TGFBR3: variants seen among roughly 807,000 people sequenced by gnomAD.
The protein encoded by TGFBR3 is transforming growth factor beta receptor 3.
Under a neutral mutation model 87.9 loss-of-function variants are expected in TGFBR3, and 46 were observed. The ratio of observed to expected loss-of-function variants is 0.52; its 90% CI spans 0.41 to 0.67. TGFBR3 has a LOEUF of 0.67. Among genes scored for constraint, TGFBR3 ranks in the 30% least tolerant of loss-of-function variants. TGFBR3 has a pLI of 0.00. For missense variants in TGFBR3, 866 were observed against 1,041.9 expected (o/e 0.83, Z 2.32); for synonymous variants, 381 against 391.6 (o/e 0.97, Z 0.32).
In TGFBR3 at chr1:91,695,667, C is replaced by G; in HGVS notation, c.2437+5G>C. ...CACCAACTCTTACTCAACAGTCACA[C>G]TAACCTGTGTGAGAATAGATGTACC... is the stretch of plus-strand genomic sequence containing the variant. On this transcript the variant is annotated splice_donor_5th_base_variant and intron_variant, in intron 16 of 16. Coordinates refer to ENST00000212355, the MANE Select transcript of TGFBR3 (RefSeq NM_003243.5). 6.2e-7 allele frequency: 1 copy of G among 1,612,910 alleles called. No homozygotes were observed. Among genetic ancestry groups the G allele is most frequent in the Non-Finnish European group, 8.5e-7 (1 of 1,178,854 alleles).
At chr1:91,725,473 A>C (rs79165270) in intron 7 of TGFBR3, among the ~76,000 whole-genome samples, 1,915 of 152,306 alleles carry the variant, frequency 0.013, 39 homozygotes, top group African/African-American at 0.043. Context: ...CCAAAATATA[A>C]GGAGATAGGC....
intron 2 of TGFBR3, among the ~76,000 whole-genome samples, chr1:91,807,634 A>G (rs1265496324): frequency 6.6e-6 from 1 of 152,262 alleles, no homozygotes; most frequent in East Asian, 1.9e-4. Context: ...ATACTCTTCC[A>G]TCTAAACAAG....
chr1:91,695,567 G>T (rs1671406729), intron 16 of TGFBR3, 105 bp downstream of exon 16: 1 of 971,430 alleles, frequency 1.0e-6, no homozygotes, highest in Non-Finnish European at 1.7e-6. Context: ...TAGTAGGAAT[G>T]AACTTTCTCT....
intron 4 of TGFBR3, among the ~76,000 whole-genome samples, chr1:91,744,086 CTTTT>C (rs144888223): frequency 7.4e-5 from 10 of 135,896 alleles, no homozygotes; most frequent in Non-Finnish European, 7.9e-5. Context: ...ATTTTACTTA[CTTTT>C]TTTTTTTTTT....
chr1:91,892,475 G>A (rs1352239299), intron 2 of TGFBR3, among the ~76,000 whole-genome samples: 2 of 152,152 alleles, frequency 1.3e-5, no homozygotes, highest in Non-Finnish European at 1.5e-5. Context: ...AAAAGACAAG[G>A]GGCACCCGGA....
At chr1:91,740,655 G>A (rs1448063064) in intron 4 of TGFBR3, among the ~76,000 whole-genome samples, 1 of 152,204 alleles carries the variant, frequency 6.6e-6, no homozygotes, top group Non-Finnish European at 1.5e-5. Flanking sequence ...CTGAGCCACT[G>A]TGCCCGGTCA....
chr1:91,685,294 T>C (rs542779881), intron 16 of TGFBR3, among the ~76,000 whole-genome samples: 1 of 150,636 alleles, frequency 6.6e-6, no homozygotes, highest in African/African-American at 2.4e-5. Context: ...TCAATATTCC[T>C]GAGAAGCGGA....
chr1:91,815,060 G>T (rs189195754), intron 2 of TGFBR3, among the ~76,000 whole-genome samples: 146 of 152,304 alleles, frequency 9.6e-4, no homozygotes, highest in Admixed American at 2.0e-3. Context: ...CCAACACTTT[G>T]GGAGGCCAAG....
chr1:91,690,446 C>T lies in TGFBR3; in HGVS notation c.2437+5226G>A, dbSNP rs143476435. Reference sequence around the variant, plus strand: ...TAATACGTATTTTGGCTCACCTGGGCTTCTTTTGCTCAGCCTAAAAGGAGA... The same window carrying T: ...TAATACGTATTTTGGCTCACCTGGGTTTCTTTTGCTCAGCCTAAAAGGAGA... On this transcript the variant is annotated intron_variant, in intron 16 of 16. Transcript: ENST00000212355. 1.8e-3 allele frequency among the ~76,000 whole-genome samples: 269 copies of T among 152,162 alleles called. 1 individual carries two copies. Among genetic ancestry groups the T allele is most frequent in the African/African-American group, 6.4e-3 (264 of 41,506 alleles).
At chr1:91,886,200 G>A, upstream of TGFBR3, 1 of 453,062 alleles carries the variant, frequency 2.2e-6, no homozygotes, top group South Asian at 1.6e-5. Flanking sequence ...GCACACACGC[G>A]GGCGGGGACG....
chr1:91,862,043 A>G lies in TGFBR3; in HGVS notation c.-113-399T>C, dbSNP rs907579030. On this transcript the variant is annotated intron_variant, in intron 1 of 16. Coordinates refer to ENST00000212355, the MANE Select transcript of TGFBR3 (RefSeq NM_003243.5). The stretch of plus-strand genomic sequence containing the variant: ...GCTAATTTTTGTATTTTTAGTAGAG[A>G]TGGGGTTTCACCATGTTGGCCAGGC... 2.7e-5 allele frequency: 5 copies of G among 187,370 alleles called. No homozygotes were observed. The Admixed American group carries it at 2.8e-4, about 10-fold the overall frequency. 11.6% of individuals were successfully genotyped at this position (187,370 alleles called of 1,614,324 possible). A position where few individuals can be genotyped will look rare whatever the true frequency, so the allele number is the denominator to read the frequency against.
intron 14 of TGFBR3, among the ~76,000 whole-genome samples, chr1:91,702,921 T>A (rs986871062): frequency 1.3e-5 from 2 of 152,094 alleles, no homozygotes; most frequent in African/African-American, 4.8e-5. Context: ...GGCAGGCACC[T>A]ATAATCCCAG....
chr1:91,736,612 C>G (rs1213620640), intron 4 of TGFBR3, among the ~76,000 whole-genome samples: 1 of 152,022 alleles, frequency 6.6e-6, no homozygotes, highest in African/African-American at 2.4e-5. Flanking sequence ...AAAAAATAAC[C>G]ATGCCCACCT....
At chr1:91,904,927 C>T (rs1679812548) in intron 1 of TGFBR3, among the ~76,000 whole-genome samples, 1 of 151,936 alleles carries the variant, frequency 6.6e-6, no homozygotes, top group South Asian at 2.1e-4. Context: ...GTCTTGAACT[C>T]CTAACCTCGT....
At position 91,719,942 on chromosome 1, in the gene TGFBR3, T is replaced by C. The variant is rs146915187; in HGVS notation, c.1364A>G (p.Lys455Arg). ...QGSVDIALSV[K>R]CDNEKMIVAV... is the part of the protein sequence containing the mutation. Reference sequence around the variant, plus strand: ...CACGATCATCTTCTCATTGTCACATTTGACAGACAGGGCAATATCCACGCT... The same window carrying C: ...CACGATCATCTTCTCATTGTCACATCTGACAGACAGGGCAATATCCACGCT... The change falls in exon 9 of 17, where the codon AAA (lysine) becomes AGA (arginine). Residue 455 changes from lysine to arginine, a missense_variant. Transcript: ENST00000212355. 6.2e-6 allele frequency: 10 copies of C among 1,614,062 alleles called. No individual in the cohort carries two copies. The Admixed American group carries it at 1.3e-4, about 22-fold the overall frequency.
intron 2 of TGFBR3, among the ~76,000 whole-genome samples, chr1:91,838,563 A>T (rs546067783): frequency 1.4e-5 from 2 of 147,984 alleles, no homozygotes; most frequent in Non-Finnish European, 3.0e-5. Flanking sequence ...GGTTCACACC[A>T]TTCTCCTGCC....
At chr1:91,765,644 A>G (rs1204578230) in intron 3 of TGFBR3, among the ~76,000 whole-genome samples, 1 of 152,200 alleles carries the variant, frequency 6.6e-6, no homozygotes, top group African/African-American at 2.4e-5. Context: ...GAAAATAGAA[A>G]ATGTTTGTTA....
At chr1:91,805,633 C>T (rs772677966) in intron 2 of TGFBR3, among the ~76,000 whole-genome samples, 3 of 152,222 alleles carry the variant, frequency 2.0e-5, no homozygotes, top group Non-Finnish European at 4.4e-5. Flanking sequence ...CCCCACCGCT[C>T]GGGTGCTCAG....
chr1:91,710,190 T>TAG (rs1671930928), intron 13 of TGFBR3, among the ~76,000 whole-genome samples: 2 of 152,192 alleles, frequency 1.3e-5, no homozygotes, highest in African/African-American at 4.8e-5. Context: ...GCAAAGACTT[T>TAG]AGGCCTTGCT....
Sources: gnomAD v4.1 joint callset for allele counts (sites outside exome capture counted in the v4.1 genomes callset) on GRCh38, gnomAD v4.1.1 for gene constraint, MANE v1.5 for transcripts, NCBI Gene and HGNC (gene_info 2026-07-23, HGNC 2026-07-21) for gene names.